SOX6: variants seen among roughly 807,000 people sequenced by gnomAD.
SOX6 encodes transcription factor SOX-6.
Under a neutral mutation model 97.8 loss-of-function variants are expected in SOX6, and 11 were observed. The observed-to-expected ratio is 0.11, with a 90% CI of 0.07 to 0.19. The LOEUF is 0.19. SOX6 is among the 10% of genes least tolerant of loss of function. The probability of loss-of-function intolerance (pLI) is 1.00; values close to 1 mark genes in which losing one functional copy is unlikely to be tolerated. For synonymous variants in SOX6, 360 were observed against 371.4 expected, an observed-to-expected ratio of 0.97 and a Z score of 0.35; for missense variants, 810 against 1,039.5, an observed-to-expected ratio of 0.78 and a Z score of 3.04.
chr11:16,509,545 T>G (rs1860845806), intron 4 of SOX6, among the ~76,000 whole-genome samples: 1 of 151,952 alleles, frequency 6.6e-6, no homozygotes, highest in African/African-American at 2.4e-5. Context: ...AAAATATTGT[T>G]GGACAAAAAA....
intron 4 of SOX6, chr11:16,483,934 C>A (rs1860389089): frequency 2.3e-6 from 2 of 863,444 alleles, no homozygotes; most frequent in African/African-American, 3.3e-5. Context: ...CATGGGGAGC[C>A]AGATCAGGAC....
Position 16,484,421 on chromosome 11 carries a change from T to C in SOX6, n.610-8033A>G, listed in dbSNP as rs1860396613. The C allele has an allele frequency of 3.8e-6, 3 of 790,310 alleles. No individual in the cohort carries two copies. In the African/African-American group the frequency reaches 5.0e-5, roughly 13 times the overall value. 49.0% of individuals were successfully genotyped at this position (790,310 alleles called of 1,614,324 possible). ...GGCTCCTTTAACCAGGCCCTTCTCA[T>C]GGTACATGCACCACAGCTTACTGAC... On this transcript the variant is annotated intron_variant and non_coding_transcript_variant, in intron 4 of 5. Transcript: ENST00000524520.
chr11:16,587,523 G>A lies in SOX6; in HGVS notation n.609+24558C>T, dbSNP rs182469067. 6.6e-5 allele frequency among the ~76,000 whole-genome samples: 10 copies of A among 152,258 alleles called. No homozygotes were observed. The East Asian group carries it at 1.9e-3, about 29-fold the overall frequency. On this transcript the variant is annotated intron_variant and non_coding_transcript_variant, in intron 4 of 5. Transcript: ENST00000524520. ...AAAGCATCCAGAAATATGTCTATGTGTGGTAACGGCTCAATATATGTTTGG... is the reference window on the plus strand; with the variant it reads ...AAAGCATCCAGAAATATGTCTATGTATGGTAACGGCTCAATATATGTTTGG...
At chr11:16,555,454 T>C (rs1318481319) in intron 4 of SOX6, among the ~76,000 whole-genome samples, 1 of 151,654 alleles carries the variant, frequency 6.6e-6, no homozygotes, top group African/African-American at 2.4e-5. Flanking sequence ...TATTAATGTA[T>C]AATAATTGTG....
intron 4 of SOX6, among the ~76,000 whole-genome samples, chr11:16,555,229 T>C (rs2133187847): frequency 6.6e-6 from 1 of 152,030 alleles, no homozygotes; most frequent in South Asian, 2.1e-4. Flanking sequence ...TTTTAACTTA[T>C]ACATAAAAAA....
At chr11:16,698,584 G>C (rs1450113770) in intron 3 of SOX6, among the ~76,000 whole-genome samples, 2 of 152,204 alleles carry the variant, frequency 1.3e-5, no homozygotes, top group African/African-American at 4.8e-5. Context: ...GCTAACTGGT[G>C]TAAGAGGCCT....
intron 4 of SOX6, among the ~76,000 whole-genome samples, chr11:16,543,013 TAC>T (rs571048414): frequency 2.1e-4 from 32 of 150,654 alleles, no homozygotes; most frequent in South Asian, 1.9e-3. Context: ...TACATACACT[TAC>T]ACACACACAC....
chr11:16,007,356 T>G (rs967275301), intron 13 of SOX6, among the ~76,000 whole-genome samples: 4 of 152,100 alleles, frequency 2.6e-5, no homozygotes, highest in Admixed American at 6.6e-5. Flanking sequence ...GGTATTGTAC[T>G]CTTATAGGAC....
intron 13 of SOX6, among the ~76,000 whole-genome samples, chr11:16,012,256 T>C (rs1247116347): frequency 6.6e-6 from 1 of 152,102 alleles, no homozygotes; most frequent in East Asian, 1.9e-4. Flanking sequence ...GACTTTAATA[T>C]GAAGTGTAAC....
chr11:16,531,053 C>G (rs1861229484), intron 4 of SOX6, among the ~76,000 whole-genome samples: 1 of 147,738 alleles, frequency 6.8e-6, no homozygotes, highest in East Asian at 2.0e-4. Flanking sequence ...GATAGATATA[C>G]ATCTCTATAT....
intron 3 of SOX6, among the ~76,000 whole-genome samples, chr11:16,698,342 T>C (rs1202567183): frequency 6.6e-6 from 1 of 152,216 alleles, no homozygotes; most frequent in Non-Finnish European, 1.5e-5. Context: ...ACTTTTCTTC[T>C]GCAGTTTCTT....
chr11:16,045,723 C>T (rs923685980), intron 12 of SOX6, among the ~76,000 whole-genome samples: 5 of 152,118 alleles, frequency 3.3e-5, no homozygotes, highest in African/African-American at 1.2e-4. Flanking sequence ...AATGCCCCTG[C>T]TCCTGCCTTT....
rs1392547067 is a variant in SOX6, at chr11:16,040,874, T to C, written c.1623+5640A>G. Among the ~76,000 whole-genome samples the C allele has an allele frequency of 2.5e-4, 38 of 152,072 alleles. 1 individual carries two copies. Among genetic ancestry groups the C allele is most frequent in the Admixed American group, 2.5e-3 (38 of 15,250 alleles). On this transcript the variant is annotated intron_variant, in intron 12 of 15. Transcript: ENST00000683767. The stretch of plus-strand genomic sequence containing the variant: ...AGCGAATATATATGTAATAATATAT[T>C]TGGAGCATAGAAAGCAGTATAAAAA...
At chr11:16,627,550 C>T (rs748830280) in intron 3 of SOX6, among the ~76,000 whole-genome samples, 12 of 152,200 alleles carry the variant, frequency 7.9e-5, no homozygotes, top group Admixed American at 4.6e-4. Flanking sequence ...CTGATGATCA[C>T]TGATGTGGAG....
chr11:16,402,930 C>T (rs190515606), intron 1 of SOX6: 2 of 1,271,506 alleles, frequency 1.6e-6, no homozygotes, highest in African/African-American at 3.0e-5. Flanking sequence ...CCTTTCAAAA[C>T]AAAACCAATT....
chr11:16,701,772 TC>T (rs1334669033), intron 3 of SOX6, among the ~76,000 whole-genome samples: 4 of 4,482 alleles, frequency 8.9e-4, no homozygotes, highest in African/African-American at 2.1e-3. Flanking sequence ...ACGGAGGGGT[TC>T]GGGGGGGTGG....
intron 7 of SOX6, among the ~76,000 whole-genome samples, chr11:16,101,870 G>T (rs1848954635): frequency 6.6e-6 from 1 of 151,606 alleles, no homozygotes; most frequent in Non-Finnish European, 1.5e-5. Flanking sequence ...AGCATAGAAG[G>T]GACATACCTT....
intron 6 of SOX6, among the ~76,000 whole-genome samples, chr11:16,177,775 T>C (rs1851239274): frequency 6.6e-6 from 1 of 151,822 alleles, no homozygotes; most frequent in African/African-American, 2.4e-5. Context: ...CATTTTCCTA[T>C]TCAGTATTAT....
intron 4 of SOX6, among the ~76,000 whole-genome samples, chr11:16,593,587 A>G (rs1012846339): frequency 3.9e-5 from 6 of 152,104 alleles, no homozygotes; most frequent in Non-Finnish European, 8.8e-5. Context: ...TAATTATACC[A>G]TTTTCTTTCA....
Sources: gnomAD v4.1 joint callset for allele counts (sites outside exome capture counted in the v4.1 genomes callset) on GRCh38, gnomAD v4.1.1 for gene constraint, MANE v1.5 for transcripts, NCBI Gene and HGNC (gene_info 2026-07-23, HGNC 2026-07-21) for gene names.